The following TMEM114 variants were observed in gnomAD, a reference collection of about 807,000 sequenced individuals.
The protein encoded by TMEM114 is transmembrane protein 114, also known as claudin-26.
TMEM114 carries 6 observed loss-of-function variants against 6.2 expected under a neutral mutation model. The observed-to-expected ratio is 0.97, with a 90% CI of 0.53 to 1.91. The LOEUF (loss-of-function observed/expected upper bound fraction) is 1.91. TMEM114 is among the 40% of genes most tolerant of loss of function. The probability of loss-of-function intolerance (pLI) is 0.01; values close to 1 mark genes in which losing one functional copy is unlikely to be tolerated. For missense variants in TMEM114, 218 were observed against 158.3 expected (o/e 1.38, Z -2.02); for synonymous variants, 104 against 73.0 (o/e 1.42, Z -2.16).
At chr16:8,534,512 C>T (rs1298820513), downstream of TMEM114, among the ~76,000 whole-genome samples, 4 of 152,322 alleles carry the variant, frequency 2.6e-5, no homozygotes, top group South Asian at 4.1e-4. Context: ...GCACCTACAT[C>T]CGTAGACATC....
chr16:8,576,973 C>T (rs1006355762), intron 2 of TMEM114, among the ~76,000 whole-genome samples: 1 of 152,144 alleles, frequency 6.6e-6, no homozygotes, highest in African/African-American at 2.4e-5. Flanking sequence ...TCAGAGATGC[C>T]AGGCTAAGTC....
the TMEM114 span, among the ~76,000 whole-genome samples, chr16:8,529,409 G>C: frequency 6.6e-6 from 1 of 152,228 alleles, no homozygotes; most frequent in Non-Finnish European, 1.5e-5. Context: ...GCTGGAAGCA[G>C]CAAAGTGGCA....
chr16:8,582,723 C>T (rs187844607), intron 2 of TMEM114, among the ~76,000 whole-genome samples: 24 of 152,252 alleles, frequency 1.6e-4, no homozygotes, highest in Admixed American at 2.0e-4. Flanking sequence ...ATCCCCATCT[C>T]TACTAAAAAT....
chr16:8,553,741 A>G (rs993045591), intron 2 of TMEM114, among the ~76,000 whole-genome samples: 1 of 151,894 alleles, frequency 6.6e-6, no homozygotes, highest in African/African-American at 2.4e-5. Flanking sequence ...TCGGCCTCCC[A>G]AAGTGCTGGG....
chr16:8,567,335 C>A (rs776931543), downstream of TMEM114, among the ~76,000 whole-genome samples: 8 of 152,120 alleles, frequency 5.3e-5, no homozygotes, highest in Admixed American at 1.3e-4. Context: ...TCTTGGCCAC[C>A]CCCATGAATG....
the TMEM114 span, chr16:8,531,826 T>C: frequency 6.6e-6 from 1 of 152,194 alleles, no homozygotes; most frequent in Non-Finnish European, 1.5e-5. Flanking sequence ...CTCAGAGGGA[T>C]TGTCAATTAG....
chr16:8,586,491 A>G (rs926586010), intron 2 of TMEM114, among the ~76,000 whole-genome samples: 1 of 150,382 alleles, frequency 6.6e-6, no homozygotes, highest in African/African-American at 2.4e-5. Flanking sequence ...CACTTCCATG[A>G]CCGGAATTCT....
At chr16:8,531,138 A>G in the TMEM114 span, among the ~76,000 whole-genome samples, 1 of 152,222 alleles carries the variant, frequency 6.6e-6, no homozygotes, top group Non-Finnish European at 1.5e-5. Context: ...TATTTTGAAA[A>G]TGTAGACAAC....
intron 2 of TMEM114, among the ~76,000 whole-genome samples, chr16:8,564,305 T>C (rs62646490): frequency 1.3e-5 from 1 of 74,392 alleles, no homozygotes; most frequent in South Asian, 4.9e-4. Flanking sequence ...GAATGAGTGA[T>C]GAAATAAGTG....
chr16:8,543,110 C>G (rs964045669), intron 2 of TMEM114, among the ~76,000 whole-genome samples: 1 of 152,142 alleles, frequency 6.6e-6, no homozygotes, highest in Non-Finnish European at 1.5e-5. Context: ...TAATTGATGT[C>G]AGTTCAGACT....
chr16:8,564,978 AGAGT>A (rs1322607990), downstream of TMEM114, among the ~76,000 whole-genome samples: 8 of 145,516 alleles, frequency 5.5e-5, no homozygotes, highest in South Asian at 2.3e-4. Context: ...AGGGAGTGAA[AGAGT>A]GAGTGAGTGA....
Position 8,574,795 on chromosome 16 carries a change from G to A in TMEM114, c.302-2571C>T, listed in dbSNP as rs562814547. On this transcript the variant is annotated intron_variant, in intron 2 of 3. Coordinates refer to ENST00000620492, the MANE Select transcript of TMEM114 (RefSeq NM_001146336.2). ...GCAGCCCCATGTGAGTTTCCCAGTC[G>A]TGCTGCAAGCTGCCTTGATGTCCAC... Among the ~76,000 whole-genome samples the A allele has an allele frequency of 5.8e-4, 88 of 152,220 alleles. 1 individual carries two copies. Among genetic ancestry groups the A allele is most frequent in the African/African-American group, 2.0e-3 (84 of 41,530 alleles).
chr16:8,540,717 C>G (rs866714184), intron 2 of TMEM114, among the ~76,000 whole-genome samples: 17 of 152,336 alleles, frequency 1.1e-4, no homozygotes, highest in Middle Eastern at 3.4e-3. Context: ...GACATAGTTC[C>G]TATCTTCTTG....
chr16:8,526,965 T>C, the TMEM114 span, among the ~76,000 whole-genome samples: 1 of 152,320 alleles, frequency 6.6e-6, no homozygotes, highest in African/African-American at 2.4e-5. Context: ...CCCAGCACTT[T>C]TGGAGGCCAA....
chr16:8,558,467 C>T (rs1365788667), intron 2 of TMEM114, among the ~76,000 whole-genome samples: 1 of 152,110 alleles, frequency 6.6e-6, no homozygotes, highest in Non-Finnish European at 1.5e-5. Context: ...CTTAGAAAGA[C>T]ACCAGTCATT....
intron 2 of TMEM114, among the ~76,000 whole-genome samples, chr16:8,575,343 C>A (rs1379038093): frequency 3.9e-5 from 6 of 152,254 alleles, no homozygotes; most frequent in Middle Eastern, 6.8e-3. Flanking sequence ...GGTATGAAGA[C>A]AAAAATAAAT....
chr16:8,535,727 T>A (rs911397444), downstream of TMEM114, among the ~76,000 whole-genome samples: 5 of 152,180 alleles, frequency 3.3e-5, no homozygotes, highest in African/African-American at 1.2e-4. Flanking sequence ...TCCTGCATAA[T>A]TCTCATCAAG....
At chr16:8,547,956 G>A (rs567543987) in intron 2 of TMEM114, among the ~76,000 whole-genome samples, 1 of 152,290 alleles carries the variant, frequency 6.6e-6, no homozygotes, top group Non-Finnish European at 1.5e-5. Context: ...GATTTGCTGG[G>A]GCTGTGGAAA....
intron 2 of TMEM114, among the ~76,000 whole-genome samples, chr16:8,575,619 G>A (rs1022213653): frequency 2.6e-5 from 4 of 152,126 alleles, no homozygotes; most frequent in Admixed American, 1.3e-4. Flanking sequence ...TCCAGCTGAG[G>A]GTCTGTAGGC....
Sources: allele counts gnomAD v4.1 joint callset (sites outside exome capture counted in the v4.1 genomes callset), GRCh38; gene constraint gnomAD v4.1.1; transcripts MANE v1.5; gene names NCBI Gene and HGNC (gene_info 2026-07-23, HGNC 2026-07-21).